Variants in CDCA7L observed in about 807,000 individuals in gnomAD.
The protein encoded by CDCA7L is cell division cycle-associated 7-like protein.
CDCA7L carries 44 observed loss-of-function variants against 57.4 expected under a neutral mutation model. The ratio of observed to expected loss-of-function variants is 0.77; its 90% CI spans 0.60 to 0.98. CDCA7L has a LOEUF of 0.98. Ranked by LOEUF, CDCA7L falls within the 50% of genes least tolerant of loss-of-function variation. The pLI is 0.00. For synonymous variants in CDCA7L, 236 were observed against 202.8 expected, an observed-to-expected ratio of 1.16 and a Z score of -1.39; for missense variants, 644 against 580.6, an observed-to-expected ratio of 1.11 and a Z score of -1.12.
At chr7:21,915,658 A>ACC (rs59164908) in intron 2 of CDCA7L, among the ~76,000 whole-genome samples, 15 of 73,504 alleles carry the variant, frequency 2.0e-4, no homozygotes, top group Non-Finnish European at 2.6e-4. Context: ...AAAAAAAAAA[A>ACC]ACACACACAC....
Position 21,910,561 on chromosome 7 carries a change from C to T in CDCA7L, c.303+1056G>A, listed in dbSNP as rs373271400. ...TGGCTGTGAAGAGGCGTAAACTCTA[C>T]GTTCCATCTTCATACTGAAGAAGAT... On this transcript the variant is annotated intron_variant, in intron 3 of 9. Transcript: ENST00000406877. Among the ~76,000 whole-genome samples, 12 of 152,196 alleles carry T rather than the reference C, an allele frequency of 7.9e-5. No homozygotes were observed. The East Asian group carries it at 1.2e-3, about 15-fold the overall frequency.
At chr7:21,935,922 T>C (rs927783789) in intron 1 of CDCA7L, among the ~76,000 whole-genome samples, 1 of 152,042 alleles carries the variant, frequency 6.6e-6, no homozygotes, top group Non-Finnish European at 1.5e-5. Flanking sequence ...AACAGAGAAC[T>C]GCTTGAACCC....
chr7:21,941,715 G>A (rs1240648911), intron 1 of CDCA7L, among the ~76,000 whole-genome samples: 1 of 152,100 alleles, frequency 6.6e-6, no homozygotes, highest in Non-Finnish European at 1.5e-5. Context: ...CAGCAGCAAG[G>A]GCCAATTCCT....
At position 21,901,131 on chromosome 7, in the gene CDCA7L, C is replaced by T. The variant is rs530934832; in HGVS notation, c.*1191G>A. The T allele has an allele frequency of 5.0e-5, 81 of 1,613,224 alleles. No individual in the cohort carries two copies. Among genetic ancestry groups the T allele is most frequent in the Middle Eastern group, 1.6e-4 (1 of 6,084 alleles). On this transcript the variant is annotated 3_prime_UTR_variant, in exon 10 of 10. Coordinates refer to ENST00000406877, the MANE Select transcript of CDCA7L (RefSeq NM_018719.5). The stretch of plus-strand genomic sequence containing the variant: ...ACAGACAAGAAACCAAACAGACCTA[C>T]GAGTGCCCTGTGTATAGAACCAAAC...
chr7:21,944,204 CG>C (rs1786432409), intron 1 of CDCA7L, among the ~76,000 whole-genome samples: 1 of 150,712 alleles, frequency 6.6e-6, no homozygotes, highest in Admixed American at 6.6e-5. Flanking sequence ...TTTGGGAGGC[CG>C]AGGCAGGTGG....
At chr7:21,911,780 G>C (rs1785337037) in intron 2 of CDCA7L, 26 bp from the exon 3 acceptor site, 5 of 1,604,536 alleles carry the variant, frequency 3.1e-6, no homozygotes, top group Non-Finnish European at 3.4e-6. Flanking sequence ...ACATACATCA[G>C]AGACGGAAAG....
chr7:21,945,612 C>T (rs990791604), intron 1 of CDCA7L, among the ~76,000 whole-genome samples, 169 bp downstream of exon 1: 1 of 152,166 alleles, frequency 6.6e-6, no homozygotes, highest in Non-Finnish European at 1.5e-5. Context: ...TGACCCACTG[C>T]GCACACCTGC....
intron 7 of CDCA7L, 111 bp from the exon 8 acceptor site, chr7:21,904,370 C>T (rs1293422238): frequency 1.5e-5 from 17 of 1,099,184 alleles, no homozygotes; most frequent in Non-Finnish European, 2.0e-5. Flanking sequence ...CCCGTCTCCT[C>T]GAATCAAGCA....
At chr7:21,936,320 C>T (rs867830201) in intron 1 of CDCA7L, among the ~76,000 whole-genome samples, 14 of 152,178 alleles carry the variant, frequency 9.2e-5, no homozygotes, top group Admixed American at 3.9e-4. Flanking sequence ...ACACTTGAAA[C>T]TCATTCTATG....
chr7:21,901,834 A>T lies in CDCA7L; in HGVS notation c.*488T>A, dbSNP rs1583832821. 1 of 171,414 alleles carries T rather than the reference A, an allele frequency of 5.8e-6. No homozygotes were observed. The highest frequency in any genetic ancestry group is 1.5e-4 in the East Asian group (1 of 6,704). 10.6% of individuals were successfully genotyped at this position (171,414 alleles called of 1,614,324 possible). A position where few individuals can be genotyped will look rare whatever the true frequency, so the allele number is the denominator to read the frequency against. ...TTTAATAAAAATAAAACTGTTCTACAGTTAATTGCACTTTGTTCAGTGTAA... is the reference window on the plus strand; with the variant it reads ...TTTAATAAAAATAAAACTGTTCTACTGTTAATTGCACTTTGTTCAGTGTAA... On this transcript the variant is annotated 3_prime_UTR_variant, in exon 10 of 10. Coordinates refer to ENST00000406877, the MANE Select transcript of CDCA7L (RefSeq NM_018719.5).
At chr7:21,911,785 G>A (rs746109417) in intron 2 of CDCA7L, 31 bp from the exon 3 acceptor site, 20 of 1,600,266 alleles carry the variant, frequency 1.2e-5, no homozygotes, top group East Asian at 4.5e-5. Context: ...CATCAGAGAC[G>A]GAAAGTAGAA....
intron 3 of CDCA7L, among the ~76,000 whole-genome samples, chr7:21,909,526 G>GA (rs1051064468): frequency 7.3e-5 from 11 of 151,616 alleles, no homozygotes; most frequent in Non-Finnish European, 1.5e-4. Context: ...GACACAGGGA[G>GA]AAAAAAAACG....
rs1562617609 is a variant in CDCA7L, at chr7:21,902,358, A to G, written c.1335-6T>C. 3 of 1,613,242 alleles carry G rather than the reference A, an allele frequency of 1.9e-6. No individual in the cohort carries two copies. The highest frequency in any genetic ancestry group is 2.2e-5 in the East Asian group (1 of 44,860). ...CTACCAGCTCCTTTTGTAAGCTGGG[A>G]AAAAGATGAGAAGTATTTGGTAAAG... On this transcript the variant is annotated splice_polypyrimidine_tract_variant and splice_region_variant and intron_variant, in intron 9 of 9. Coordinates refer to ENST00000406877, the MANE Select transcript of CDCA7L (RefSeq NM_018719.5).
chr7:21,908,423 G>T lies in CDCA7L; in HGVS notation c.388C>A (p.Pro130Thr). Residue 130 changes from proline to threonine, a missense_variant, in exon 4 of 10, where the codon CCT (proline) becomes ACT (threonine). Pro to Thr is a conservative substitution (Grantham distance 38). Transcript: ENST00000406877. ...CTTCTTCTAGACCTGCTTCTTCTAG[G>T]GGTAGCCTTATCTTCTTCTTCATCT... is the stretch of plus-strand genomic sequence containing the variant. ...EEDEEEDKATPRRSRSRRSSI... is the reference protein window; with the variant it reads ...EEDEEEDKATTRRSRSRRSSI... 2 of 1,586,664 alleles carry T rather than the reference G, an allele frequency of 1.3e-6. No homozygotes were observed. The highest frequency in any genetic ancestry group is 1.9e-5 in the Admixed American group (1 of 51,474).
intron 1 of CDCA7L, among the ~76,000 whole-genome samples, chr7:21,930,230 C>T (rs1318751416): frequency 2.0e-5 from 3 of 152,128 alleles, no homozygotes; most frequent in Non-Finnish European, 2.9e-5. Context: ...GGGTAACTAA[C>T]GAAATCAAGA....
intron 2 of CDCA7L, among the ~76,000 whole-genome samples, chr7:21,916,218 C>T (rs1469070212): frequency 6.6e-6 from 1 of 152,120 alleles, no homozygotes; most frequent in Non-Finnish European, 1.5e-5. Flanking sequence ...CATTCTACTA[C>T]TAGGACACAA....
intron 1 of CDCA7L, among the ~76,000 whole-genome samples, chr7:21,941,511 TAA>T (rs1294916047): frequency 1.3e-5 from 2 of 152,230 alleles, no homozygotes; most frequent in Non-Finnish European, 2.9e-5. Context: ...AAATTTCACA[TAA>T]AAGTCATTCC....
chr7:21,907,109 G>T (rs1785166581), intron 4 of CDCA7L, among the ~76,000 whole-genome samples: 1 of 152,110 alleles, frequency 6.6e-6, no homozygotes, highest in Non-Finnish European at 1.5e-5. Flanking sequence ...ATCAATCAAA[G>T]TAATCTATGA....
At chr7:21,914,134 C>T (rs932479892) in intron 2 of CDCA7L, among the ~76,000 whole-genome samples, 2 of 152,188 alleles carry the variant, frequency 1.3e-5, no homozygotes, top group African/African-American at 4.8e-5. Flanking sequence ...GTCCATGTGA[C>T]ATGGAAGAAA....
Sources: gnomAD v4.1 joint callset for allele counts (sites outside exome capture counted in the v4.1 genomes callset) on GRCh38, gnomAD v4.1.1 for gene constraint, MANE v1.5 for transcripts, NCBI Gene and HGNC (gene_info 2026-07-23, HGNC 2026-07-21) for gene names.